Variants in PLCD3 observed in about 807,000 individuals in gnomAD.
PLCD3 encodes the protein phospholipase C delta 3.
In PLCD3, 62 loss-of-function variants were observed where a neutral mutation model predicts 82.8. The observed-to-expected ratio is 0.75, with a 90% confidence interval of 0.61 to 0.93. The LOEUF is 0.93. Ranked by LOEUF, PLCD3 falls within the 40% of genes least tolerant of loss-of-function variation. The pLI is 0.00. For missense variants in PLCD3, 1,023 were observed against 1,103.4 expected, an observed-to-expected ratio of 0.93 and a Z score of 1.03; for synonymous variants, 478 against 471.8, an observed-to-expected ratio of 1.01 and a Z score of -0.17.
At position 45,115,137 on chromosome 17, in the gene PLCD3, G is replaced by A; in HGVS notation, c.1668C>T (p.Ser556=). 1 of 1,601,678 alleles carries A rather than the reference G, an allele frequency of 6.2e-7. No homozygotes were observed. Among genetic ancestry groups the A allele is most frequent in the South Asian group, 1.1e-5 (1 of 88,576 alleles). Residue 556 remains serine (S), a synonymous_variant, in exon 10 of 15, where the codon AGC becomes AGT. Coordinates refer to ENST00000619929, the MANE Select transcript of PLCD3 (RefSeq NM_133373.5). Reference sequence around the variant, plus strand: ...TCTTGGCTTTGCGCTCGCTGAGGGAGCTGACCTGGCAGGGTTGTGGGGCGT... The same window carrying A: ...TCTTGGCTTTGCGCTCGCTGAGGGAACTGACCTGGCAGGGTTGTGGGGCGT... ...APNAPQPCQV[S]SLSERKAKKL...
chr17:45,120,572 C>T, intron 3 of PLCD3, 118 bp from the exon 4 acceptor site: 2 of 1,375,408 alleles, frequency 1.5e-6, no homozygotes, highest in Non-Finnish European at 2.0e-6. Context: ...GCTGTACTTT[C>T]CCCTTGGCCT....
chr17:45,118,194 G>C lies in PLCD3; in HGVS notation c.1116-56C>G, dbSNP rs747546827. 1 of 1,612,316 alleles carries C rather than the reference G, an allele frequency of 6.2e-7. No homozygotes were observed. The highest frequency in any genetic ancestry group is 1.7e-5 in the Admixed American group (1 of 59,950). Reference sequence around the variant, plus strand: ...GGTGTTGCCAGAGTGCCACAGAGCAGGGCAGCAGGCAGGCTGGGCCAGGAA... The same window carrying C: ...GGTGTTGCCAGAGTGCCACAGAGCACGGCAGCAGGCAGGCTGGGCCAGGAA... On this transcript the variant is annotated intron_variant, in intron 6 of 14. Coordinates refer to ENST00000619929, the MANE Select transcript of PLCD3 (RefSeq NM_133373.5). This position sits in a 1 kb window ranked among gnomAD's most constrained non-coding sequence, Gnocchi z 4.1.
intron 10 of PLCD3, 101 bp from the exon 11 acceptor site, chr17:45,114,467 G>C (rs1201207195): frequency 8.0e-6 from 7 of 874,646 alleles, no homozygotes; most frequent in Non-Finnish European, 1.2e-5. Context: ...CCCGTCCCCA[G>C]GTCACCCTGC....
chr17:45,120,208 G>C lies in PLCD3; in HGVS notation c.684+117C>G, dbSNP rs140693068. 5.7e-3 allele frequency: 7,920 copies of C among 1,390,472 alleles called. 30 individuals carry two copies. The highest frequency in any genetic ancestry group is 6.3e-3 in the Non-Finnish European group (6,437 of 1,017,634). 86.1% of individuals were successfully genotyped at this position (1,390,472 alleles called of 1,614,324 possible). ...GCCTTTGTGCAGGGAAAGGCTGCTC[G>C]CTCCAAAAAAGCTGCAGGTGGAGAG... On this transcript the variant is annotated intron_variant, in intron 4 of 14. Transcript: ENST00000619929.
rs770976716 is a variant in PLCD3, at chr17:45,118,236, C to T, written c.1115+55G>A. ...GGCCAGGAAGGCCCCAGGAAGCCAG[C>T]CCATGTCTCTCCCCAGGTGGGGCTC... On this transcript the variant is annotated intron_variant, in intron 6 of 14. Coordinates refer to ENST00000619929, the MANE Select transcript of PLCD3 (RefSeq NM_133373.5). This position sits in a 1 kb window ranked among gnomAD's most constrained non-coding sequence, Gnocchi z 4.1. The T allele has an allele frequency of 1.7e-5, 27 of 1,611,854 alleles. No homozygotes were observed. The East Asian group carries it at 2.9e-4, about 17-fold the overall frequency.
In PLCD3 at chr17:45,112,623, C is replaced by G. The variant is rs185243238; in HGVS notation, c.2363G>C (p.Arg788Pro). The G allele has an allele frequency of 2.5e-6, 4 of 1,600,094 alleles. No individual in the cohort carries two copies. The African/African-American group carries it at 4.0e-5, about 16-fold the overall frequency. The stretch of plus-strand genomic sequence containing the variant: ...GGCGAGTGAGGTGGGCCCTCAGGAG[C>G]GCTGGATGCGGATTTGGATGAAGAG... ...ATLFIQIRIQ[R>P]S Residue 788 changes from arginine (R) to proline (P), a missense_variant, in exon 15 of 15, where the codon CGC becomes CCC. Arg to Pro is a moderately radical substitution (Grantham distance 103). Around this residue, in one of 3 missense-constraint regions of PLCD3, gnomAD observed 553 missense variants for 655.7 expected, o/e 0.84. Transcript: ENST00000619929.
At chr17:45,120,720 T>C (rs959237050) in intron 3 of PLCD3, among the ~76,000 whole-genome samples, 182 bp downstream of exon 3, 18 of 152,104 alleles carry the variant, frequency 1.2e-4, no homozygotes, top group African/African-American at 3.9e-4. Context: ...GGTGGGAGCT[T>C]GGGCCTAGCC....
intron 2 of PLCD3, 32 bp downstream of exon 2, chr17:45,121,179 C>T: frequency 1.3e-6 from 2 of 1,543,512 alleles, no homozygotes; most frequent in Non-Finnish European, 1.7e-6. Flanking sequence ...GTCCCCACCT[C>T]CCTGTCCGCC....
chr17:45,121,177 C>A, intron 2 of PLCD3, 34 bp downstream of exon 2: 1 of 1,542,500 alleles, frequency 6.5e-7, no homozygotes, highest in South Asian at 1.2e-5. Flanking sequence ...CTGTCCCCAC[C>A]TCCCTGTCCG....
At position 45,112,278 on chromosome 17, in the gene PLCD3, G is replaced by A; in HGVS notation, c.*338C>T. On this transcript the variant is annotated 3_prime_UTR_variant, in exon 15 of 15. Coordinates refer to ENST00000619929, the MANE Select transcript of PLCD3 (RefSeq NM_133373.5). Reference sequence around the variant, plus strand: ...ACGGGAGGACAGAGGGGAACTGAGGGCCCACAAGTGTCCTGCTCCCCAAGT... The same window carrying A: ...ACGGGAGGACAGAGGGGAACTGAGGACCCACAAGTGTCCTGCTCCCCAAGT... 3.1e-6 allele frequency: 1 copy of A among 321,866 alleles called. No homozygotes were observed. Among genetic ancestry groups the A allele is most frequent in the South Asian group, 3.4e-5 (1 of 29,348 alleles). The allele number at this position is 321,866 out of a possible 1,614,324, so 19.9% of individuals were successfully genotyped here. A position where few individuals can be genotyped will look rare whatever the true frequency, so the allele number is the denominator to read the frequency against.
In PLCD3 at chr17:45,117,310, C is replaced by G. The variant is rs1014924304; in HGVS notation, c.1261-526G>C. ...TCACCCAGGCTGAAGTGCAGTGGCA[C>G]AGTCAGTCTCCCTGTGTTCTCCAGT... On this transcript the variant is annotated intron_variant, in intron 7 of 14. Coordinates refer to ENST00000619929, the MANE Select transcript of PLCD3 (RefSeq NM_133373.5). 2.0e-5 allele frequency among the ~76,000 whole-genome samples: 3 copies of G among 152,274 alleles called. No homozygotes were observed. In the East Asian group the frequency reaches 5.8e-4, roughly 29 times the overall value.
At chr17:45,115,316 T>TCCCCCCCC in intron 9 of PLCD3, 28 bp downstream of exon 9, 1 of 1,474,946 alleles carries the variant, frequency 6.8e-7, no homozygotes, top group South Asian at 1.2e-5. Context: ...TTCCCCCCCT[T>TCCCCCCCC]CCCCACCCCA....
Position 45,112,687 on chromosome 17 carries a change from G to C in PLCD3, c.2299C>G (p.Leu767Val). Residue 767 changes from leucine (L) to valine (V), a missense_variant, in exon 15 of 15, where the codon CTG (leucine) becomes GTG (valine). Coordinates refer to ENST00000619929, the MANE Select transcript of PLCD3 (RefSeq NM_133373.5). Reference sequence around the variant, plus strand: ...AGTGAGGCCCCGTCCTTGGAAAGCAGGTGTATGTGGCGGTACCCTGTAGGG... The same window carrying C: ...AGTGAGGCCCCGTCCTTGGAAAGCACGTGTATGTGGCGGTACCCTGTAGGG... ...SLKQGYRHIH[L>V]LSKDGASLSP... 6.2e-7 allele frequency: 1 copy of C among 1,606,216 alleles called. No homozygotes were observed. Among genetic ancestry groups the C allele is most frequent in the Non-Finnish European group, 8.5e-7 (1 of 1,176,636 alleles).
chr17:45,128,394 C>T (rs1745692633), intron 1 of PLCD3, among the ~76,000 whole-genome samples: 1 of 152,190 alleles, frequency 6.6e-6, no homozygotes, highest in African/African-American at 2.4e-5. Flanking sequence ...CCCCTAGTCC[C>T]ACCTGGCATG....
rs373378856 is a variant in PLCD3, at chr17:45,113,555, G to A, written c.1879C>T (p.Arg627Cys). ...CCACACTGCCCATTGACTAGGAAGC[G>A]CCCGGCATTGAGGTCCATCTCGTAG... ...PGYEMDLNAG[R>C]FLVNGQCGYV... Residue 627 changes from arginine (R) to cysteine (C), a missense_variant, in exon 12 of 15, where the codon CGC becomes TGC. This residue lies in a region of PLCD3 where 553 missense variants were observed against 655.7 expected (regional missense o/e 0.84). Coordinates refer to ENST00000619929, the MANE Select transcript of PLCD3 (RefSeq NM_133373.5). 1.5e-5 allele frequency: 23 copies of A among 1,561,240 alleles called. No homozygotes were observed. Among genetic ancestry groups the A allele is most frequent in the South Asian group, 5.9e-5 (5 of 84,588 alleles).
At chr17:45,122,721 G>A (rs36005183) in intron 1 of PLCD3, among the ~76,000 whole-genome samples, 5,047 of 152,240 alleles carry the variant, frequency 0.033, 270 homozygotes, top group African/African-American at 0.11. Context: ...ACTGTGCCCC[G>A]GAGAGTTTCG....
Position 45,132,050 on chromosome 17 carries a change from G to A in PLCD3, c.163+198C>T, listed in dbSNP as rs113306781. Among the ~76,000 whole-genome samples, 718 of 152,308 alleles carry A rather than the reference G, an allele frequency of 4.7e-3. 3 individuals carry two copies. Among genetic ancestry groups the A allele is most frequent in the Non-Finnish European group, 7.5e-3 (507 of 68,016 alleles). ...CCTGGTGGGAAGCAAAGAACACCCT[G>A]GGCGCCCGGCTCGCCCCGGGACCCT... On this transcript the variant is annotated intron_variant, in intron 1 of 14. Coordinates refer to ENST00000619929, the MANE Select transcript of PLCD3 (RefSeq NM_133373.5). This position sits in a 1 kb window ranked among gnomAD's most constrained non-coding sequence, Gnocchi z 4.6.
chr17:45,127,801 TGA>T (rs1272885057), intron 1 of PLCD3, among the ~76,000 whole-genome samples: 3 of 85,616 alleles, frequency 3.5e-5, no homozygotes, highest in Non-Finnish European at 4.4e-5. Context: ...TGAATGTGTG[TGA>T]GTGTGTGCGT....
chr17:45,122,887 C>A (rs1276437176), intron 1 of PLCD3, among the ~76,000 whole-genome samples: 1 of 152,100 alleles, frequency 6.6e-6, no homozygotes, highest in African/African-American at 2.4e-5. Flanking sequence ...GAGTCCATGG[C>A]CTTTGGAGGT....
Sources: gnomAD v4.1 joint callset for allele counts (sites outside exome capture counted in the v4.1 genomes callset) on GRCh38, gnomAD v4.1.1 for gene constraint, gnomAD v4.1.1 regional missense constraint, Gnocchi (gnomAD v3.1) non-coding constraint, MANE v1.5 for transcripts, NCBI Gene and HGNC (gene_info 2026-07-23, HGNC 2026-07-21) for gene names.